Variants in HINT1 observed in about 807,000 individuals in gnomAD.
HINT1 encodes the protein histidine triad nucleotide binding protein 1, also known as adenosine 5'-monophosphoramidase HINT1.
HINT1 carries 12 observed loss-of-function variants against 11.2 expected under a neutral mutation model. That is an observed-to-expected ratio of 1.07 (90% CI 0.69 to 1.74). The LOEUF is 1.74. HINT1 is among the 40% of genes most tolerant of loss of function. The pLI is 0.00. For missense variants in HINT1, 150 were observed against 161.8 expected (o/e 0.93, Z 0.40); for synonymous variants, 42 against 52.6 (o/e 0.80, Z 0.87).
At chr5:131,164,641 C>A (rs1755344988) in intron 1 of HINT1, among the ~76,000 whole-genome samples, 1 of 152,198 alleles carries the variant, frequency 6.6e-6, no homozygotes, top group African/African-American at 2.4e-5. Context: ...GAACGCCGGG[C>A]CCTGGCAGGC....
chr5:131,160,778 C>T (rs1163963435), intron 2 of HINT1: 4 of 592,820 alleles, frequency 6.7e-6, no homozygotes, highest in Admixed American at 2.4e-5. Flanking sequence ...AACCATACTT[C>T]GAATTCTGAT....
intron 1 of HINT1, among the ~76,000 whole-genome samples, chr5:131,164,525 G>A (rs1001639784): frequency 1.3e-5 from 2 of 152,220 alleles, no homozygotes; most frequent in Non-Finnish European, 2.9e-5. Context: ...AGGGGTGAGG[G>A]TGGCAAGCCG....
Position 131,162,271 on chromosome 5 carries a change from C to T in HINT1, c.216+301G>A, listed in dbSNP as rs1755271427. ...CAGGGAGGTGGAGCTTGCAGTGAGC[C>T]GAGTGCCACTGCACTGCAGCCTGGG... On this transcript the variant is annotated intron_variant, in intron 2 of 2. Coordinates refer to ENST00000304043, the MANE Select transcript of HINT1 (RefSeq NM_005340.7). The T allele has an allele frequency of 1.3e-5, 8 of 613,214 alleles. No individual in the cohort carries two copies. In the Admixed American group the frequency reaches 2.0e-4, roughly 15 times the overall value. 38.0% of individuals were successfully genotyped at this position (613,214 alleles called of 1,614,324 possible).
intron 1 of HINT1, among the ~76,000 whole-genome samples, chr5:131,164,046 A>C (rs972408428): frequency 2.6e-5 from 4 of 152,174 alleles, no homozygotes; most frequent in African/African-American, 7.2e-5. Flanking sequence ...GTAGAGACAA[A>C]GTATTTTTTT....
intron 2 of HINT1, 33 bp from the exon 3 acceptor site, chr5:131,159,644 G>A: frequency 5.0e-6 from 8 of 1,590,424 alleles, no homozygotes; most frequent in Non-Finnish European, 6.0e-6. Flanking sequence ...TTAGGCACAG[G>A]CAATTTATTA....
chr5:131,162,408 GCAGTAACTTTGGAAAA>G (rs1755277407), intron 2 of HINT1, 148 bp downstream of exon 2: 2 of 1,399,350 alleles, frequency 1.4e-6, no homozygotes, highest in African/African-American at 2.8e-5. Flanking sequence ...ACAAAATGAT[GCAGTAACTTTGGAAAA>G]CAGCTGGGCA....
At chr5:131,161,577 A>C (rs1430356055) in intron 2 of HINT1, among the ~76,000 whole-genome samples, 2 of 151,686 alleles carry the variant, frequency 1.3e-5, no homozygotes, top group Admixed American at 1.3e-4. Flanking sequence ...CCTGGGCAAC[A>C]AGAACGAAAC....
intron 1 of HINT1, among the ~76,000 whole-genome samples, chr5:131,163,209 A>C (rs1424518615): frequency 6.6e-6 from 1 of 152,222 alleles, no homozygotes; most frequent in African/African-American, 2.4e-5. Context: ...ACAAAGGAAA[A>C]ATATGAATGA....
intron 2 of HINT1, chr5:131,160,631 C>A (rs1353493169): frequency 2.4e-5 from 24 of 1,012,810 alleles, no homozygotes; most frequent in Non-Finnish European, 1.3e-6. Context: ...CCTTATTAAG[C>A]CCCAGGACAG....
At chr5:131,165,068 G>T (rs1485158831) in intron 1 of HINT1, 27 bp downstream of exon 1, 1 of 1,613,272 alleles carries the variant, frequency 6.2e-7, no homozygotes, top group South Asian at 1.1e-5. Context: ...ACCTCAGCAG[G>T]CGAGAGAGGT....
chr5:131,165,146 C>A lies in HINT1; in HGVS notation c.60G>T (p.Gly20=). 1 of 1,612,714 alleles carries A rather than the reference C, an allele frequency of 6.2e-7. No individual in the cohort carries two copies. Among genetic ancestry groups the A allele is most frequent in the African/African-American group, 1.3e-5 (1 of 75,048 alleles). ...CTGGTATTTCCTTGCGGATGATCTT[C>A]CCAAAGATCGTGTCGCCACCAGGCC... ...VARPGGDTIF[G]KIIRKEIPAK... is the part of the protein sequence containing the mutation. Residue 20 remains glycine, a synonymous_variant, in exon 1 of 3, where the codon GGG becomes GGT. Transcript: ENST00000304043.
At position 131,165,147 on chromosome 5, in the gene HINT1, C is replaced by T. The variant is rs773013836; in HGVS notation, c.59G>A (p.Gly20Glu). Residue 20 changes from glycine to glutamate, a missense_variant, in exon 1 of 3, where the codon GGG (glycine) becomes GAG (glutamate). By Grantham distance (98) the Gly-to-Glu change is moderately conservative (BLOSUM62 -2). Transcript: ENST00000304043. ...VARPGGDTIF[G>E]KIIRKEIPAK... ...TGGTATTTCCTTGCGGATGATCTTC[C>T]CAAAGATCGTGTCGCCACCAGGCCG... is the stretch of plus-strand genomic sequence containing the variant. 3 of 1,612,564 alleles carry T rather than the reference C, an allele frequency of 1.9e-6. No individual in the cohort carries two copies. The highest frequency in any genetic ancestry group is 3.3e-5 in the Admixed American group (2 of 60,012).
At chr5:131,165,055 C>T (rs1209791551) in intron 1 of HINT1, 40 bp downstream of exon 1, 2 of 1,612,384 alleles carry the variant, frequency 1.2e-6, no homozygotes, top group African/African-American at 2.7e-5. Context: ...GCGGACGATA[C>T]CCACCTCAGC....
chr5:131,162,701 T>C lies in HINT1; in HGVS notation c.112-25A>G, dbSNP rs761323995. 2.7e-6 allele frequency: 4 copies of C among 1,462,214 alleles called. No homozygotes were observed. The South Asian group carries it at 4.7e-5, about 17-fold the overall frequency. 90.6% of individuals were successfully genotyped at this position (1,462,214 alleles called of 1,614,324 possible). On this transcript the variant is annotated intron_variant, in intron 1 of 2. Coordinates refer to ENST00000304043, the MANE Select transcript of HINT1 (RefSeq NM_005340.7). ...ACTAGGGAAAAGAGAAATAAATAAA[T>C]AAATCAAACTTTTAGTATATTGGTA... is the stretch of plus-strand genomic sequence containing the variant.
At chr5:131,159,727 T>C in intron 2 of HINT1, 116 bp from the exon 3 acceptor site, 1 of 914,744 alleles carries the variant, frequency 1.1e-6, no homozygotes, top group East Asian at 2.6e-5. Context: ...ACACAACCCT[T>C]TGAGCAAATA....
At chr5:131,161,123 G>A (rs1755237335) in intron 2 of HINT1, among the ~76,000 whole-genome samples, 1 of 152,124 alleles carries the variant, frequency 6.6e-6, no homozygotes. Context: ...TTTTAAAGCT[G>A]GTTCAGTAAA....
intron 2 of HINT1, among the ~76,000 whole-genome samples, chr5:131,160,169 T>C (rs888438058): frequency 6.7e-6 from 1 of 149,830 alleles, no homozygotes; most frequent in Non-Finnish European, 1.5e-5. Flanking sequence ...AAAACTTAAT[T>C]ATATTCCAAG....
chr5:131,164,241 C>T (rs1580685615), intron 1 of HINT1, among the ~76,000 whole-genome samples: 1 of 152,206 alleles, frequency 6.6e-6, no homozygotes, highest in African/African-American at 2.4e-5. Flanking sequence ...CCCAAAAATA[C>T]AACTGGCCAC....
chr5:131,164,980 G>A (rs1362102791), intron 1 of HINT1, 115 bp downstream of exon 1: 4 of 1,468,312 alleles, frequency 2.7e-6, no homozygotes, highest in African/African-American at 2.8e-5. Context: ...AGGGCAGCCA[G>A]GTCCCCTCCC....
Sources: allele counts gnomAD v4.1 joint callset (sites outside exome capture counted in the v4.1 genomes callset), GRCh38; gene constraint gnomAD v4.1.1; transcripts MANE v1.5; gene names NCBI Gene and HGNC (gene_info 2026-07-23, HGNC 2026-07-21).